The following MCTP1 variants were observed in gnomAD, a reference collection of about 807,000 sequenced individuals.
The protein encoded by MCTP1 is multiple C2 and transmembrane domain containing 1, also known as multiple C2 and transmembrane domain-containing protein 1.
Under a neutral mutation model 120.6 loss-of-function variants are expected in MCTP1, and 69 were observed. That is an observed-to-expected ratio of 0.57 (90% CI 0.47 to 0.70). The LOEUF (loss-of-function observed/expected upper bound fraction) is 0.70. Ranked by LOEUF, MCTP1 falls within the 30% of genes least tolerant of loss-of-function variation. The pLI, the probability that MCTP1 is intolerant of heterozygous loss-of-function variation, is 0.00. For synonymous variants in MCTP1, 529 were observed against 493.1 expected, an observed-to-expected ratio of 1.07 and a Z score of -0.96; for missense variants, 1,203 against 1,248.8, an observed-to-expected ratio of 0.96 and a Z score of 0.55.
At chr5:94,815,033 C>T (rs1784225057) in intron 17 of MCTP1, among the ~76,000 whole-genome samples, 1 of 152,170 alleles carries the variant, frequency 6.6e-6, no homozygotes. Flanking sequence ...ACGGGAAATA[C>T]AGCAGGAATA....
At chr5:94,970,824 C>T (rs1428785554) in intron 2 of MCTP1, among the ~76,000 whole-genome samples, 1 of 151,554 alleles carries the variant, frequency 6.6e-6, no homozygotes, top group Non-Finnish European at 1.5e-5. Flanking sequence ...AAAAAATAGA[C>T]CCTAAAGTAT....
chr5:95,096,921 G>A (rs1756312539), intron 1 of MCTP1, among the ~76,000 whole-genome samples: 1 of 152,060 alleles, frequency 6.6e-6, no homozygotes, highest in East Asian at 1.9e-4. Flanking sequence ...TAGCTTAGAC[G>A]GGAGCCCCAG....
intron 1 of MCTP1, among the ~76,000 whole-genome samples, chr5:95,147,228 A>T (rs1760477148): frequency 6.6e-6 from 1 of 152,026 alleles, no homozygotes; most frequent in Non-Finnish European, 1.5e-5. Context: ...CTGGGACTAC[A>T]GGTGCCGCCA....
At chr5:95,089,861 C>T (rs1377944157) in intron 1 of MCTP1, among the ~76,000 whole-genome samples, 1 of 152,168 alleles carries the variant, frequency 6.6e-6, no homozygotes, top group Non-Finnish European at 1.5e-5. Context: ...TCTCCACAAA[C>T]AGTCCAATCA....
chr5:94,897,675 C>T (rs967695445), intron 10 of MCTP1, among the ~76,000 whole-genome samples: 9 of 152,094 alleles, frequency 5.9e-5, no homozygotes, highest in Admixed American at 5.9e-4. Context: ...GACTTTTTCC[C>T]CCAAACTTTT....
chr5:94,787,766 G>A (rs745615579), intron 18 of MCTP1, among the ~76,000 whole-genome samples: 1 of 152,050 alleles, frequency 6.6e-6, no homozygotes, highest in Non-Finnish European at 1.5e-5. Context: ...GCAGGTGCCC[G>A]CCATCGCGCC....
rs1386256569 is a variant in MCTP1 at position 94,937,661 on chromosome 5, A to AT, written c.1173+2422dup. On this transcript the variant is annotated intron_variant, in intron 5 of 22. Transcript: ENST00000515393. ...TGAAGAAAAAATAATGTTGGAAACT[A>AT]TTTTGCCTGTGCTGTCATATTTCTG... is the stretch of plus-strand genomic sequence containing the variant. Among the ~76,000 whole-genome samples, 10 of 152,110 alleles carry AT rather than the reference A, an allele frequency of 6.6e-5. No individual in the cohort carries two copies. In the East Asian group the frequency reaches 1.9e-3, roughly 29 times the overall value.
chr5:95,073,753 C>T (rs921772658), intron 1 of MCTP1, among the ~76,000 whole-genome samples: 3 of 152,138 alleles, frequency 2.0e-5, no homozygotes, highest in African/African-American at 7.2e-5. Context: ...CATCATCAGA[C>T]CCTCTCCTTG....
chr5:95,120,125 G>A (rs952502056), intron 1 of MCTP1, among the ~76,000 whole-genome samples: 15 of 146,966 alleles, frequency 1.0e-4, no homozygotes, highest in Non-Finnish European at 1.6e-4. Context: ...TGTAGTTAGC[G>A]GAGATTGCGC....
chr5:95,152,217 A>G (rs1760958666), intron 1 of MCTP1, among the ~76,000 whole-genome samples: 1 of 152,194 alleles, frequency 6.6e-6, no homozygotes, highest in Non-Finnish European at 1.5e-5. Context: ...AGAGAAAATG[A>G]TTTGGATTTA....
At chr5:95,187,454 C>A (rs1185960833) in intron 1 of MCTP1, among the ~76,000 whole-genome samples, 1 of 152,070 alleles carries the variant, frequency 6.6e-6, no homozygotes, top group African/African-American at 2.4e-5. Context: ...GGATGGAGTG[C>A]GGTGGTGTGA....
intron 16 of MCTP1, 33 bp downstream of exon 16, chr5:94,870,384 T>A (rs1416644528): frequency 1.6e-5 from 23 of 1,414,726 alleles, no homozygotes; most frequent in Non-Finnish European, 2.2e-5. Flanking sequence ...AATCAGGTCT[T>A]CCCAGAGGGA....
At chr5:94,823,320 C>G (rs1183712576) in intron 17 of MCTP1, among the ~76,000 whole-genome samples, 1 of 151,390 alleles carries the variant, frequency 6.6e-6, no homozygotes, top group Non-Finnish European at 1.5e-5. Flanking sequence ...TTCCCCACTG[C>G]TTTTGTCAGG....
At position 94,863,079 on chromosome 5, in the gene MCTP1, AAGTATTGTTT is replaced by A. The variant is rs1368243836; in HGVS notation, c.2436+5244_2436+5253del. Among the ~76,000 whole-genome samples, 4 of 151,806 alleles carry A rather than the reference AAGTATTGTTT, an allele frequency of 2.6e-5. 1 individual carries two copies. The highest frequency in any genetic ancestry group is 9.7e-5 in the African/African-American group (4 of 41,384). On this transcript the variant is annotated intron_variant, in intron 17 of 22. Coordinates refer to ENST00000515393, the MANE Select transcript of MCTP1 (RefSeq NM_024717.7). ...TCTAAATCTGTATAGATTAAATTGGAAGTATTGTTTAGTAAGCTTAGTAGGTGTGTATGTC... is the reference window on the plus strand; with the variant it reads ...TCTAAATCTGTATAGATTAAATTGGAAGTAAGCTTAGTAGGTGTGTATGTC...
chr5:95,089,836 T>A (rs1381733052), intron 1 of MCTP1, among the ~76,000 whole-genome samples: 2 of 152,188 alleles, frequency 1.3e-5, no homozygotes, highest in African/African-American at 4.8e-5. Flanking sequence ...ATACTTCCCT[T>A]CTTTCAGCCT....
At chr5:95,256,255 G>A (rs1245471374) in intron 1 of MCTP1, among the ~76,000 whole-genome samples, 4 of 152,182 alleles carry the variant, frequency 2.6e-5, no homozygotes, top group Non-Finnish European at 5.9e-5. Context: ...TTTCTGGCAG[G>A]TATTAAGAAA....
chr5:95,212,793 G>A (rs1309677586), intron 1 of MCTP1, among the ~76,000 whole-genome samples: 1 of 152,002 alleles, frequency 6.6e-6, no homozygotes, highest in Non-Finnish European at 1.5e-5. Flanking sequence ...TGCAGAAAAG[G>A]CCTTTGAAAA....
chr5:94,889,026 G>A, intron 11 of MCTP1, 54 bp from the exon 12 acceptor site: 1 of 1,163,574 alleles, frequency 8.6e-7, no homozygotes, highest in Admixed American at 1.7e-5. Context: ...GAGTCTTAAA[G>A]AGTGTGCTGA....
chr5:95,137,354 C>T (rs941831187), intron 1 of MCTP1, among the ~76,000 whole-genome samples: 1 of 152,220 alleles, frequency 6.6e-6, no homozygotes, highest in South Asian at 2.1e-4. Flanking sequence ...ACACGATAGT[C>T]CCTGGCTCAC....
Sources: allele counts gnomAD v4.1 joint callset (sites outside exome capture counted in the v4.1 genomes callset), GRCh38; gene constraint gnomAD v4.1.1; transcripts MANE v1.5; gene names NCBI Gene and HGNC (gene_info 2026-07-23, HGNC 2026-07-21).